The following GALNT9 variants were observed in gnomAD, a reference collection of about 807,000 sequenced individuals.
GALNT9 encodes the protein GalNAc transferase 9.
Under a neutral mutation model 63.1 loss-of-function variants are expected in GALNT9, and 47 were observed. The observed-to-expected ratio is 0.75, with a 90% CI of 0.59 to 0.95. GALNT9 has a LOEUF of 0.95. Among genes scored for constraint, GALNT9 ranks in the 40% least tolerant of loss-of-function variants. The pLI, the probability that GALNT9 is intolerant of heterozygous loss-of-function variation, is 0.00. For synonymous variants in GALNT9, 396 were observed against 365.7 expected (o/e 1.08, Z -0.94); for missense variants, 829 against 874.8 (o/e 0.95, Z 0.66).
chr12:132,202,310 A>G (rs1286760905), intron 7 of GALNT9, among the ~76,000 whole-genome samples: 1 of 152,184 alleles, frequency 6.6e-6, no homozygotes, highest in Non-Finnish European at 1.5e-5. Flanking sequence ...CACTTCATGG[A>G]AAACAAGGCT....
chr12:132,203,403 C>T, intron 7 of GALNT9, 102 bp downstream of exon 7: 4 of 1,063,550 alleles, frequency 3.8e-6, no homozygotes, highest in South Asian at 1.5e-5. Context: ...CCCACTCACA[C>T]CTGCAGGGGG....
chr12:132,225,406 ACACAACCCACACACTATATACACCCCC>A (rs1482289447), intron 6 of GALNT9, among the ~76,000 whole-genome samples: 1 of 145,646 alleles, frequency 6.9e-6, no homozygotes, highest in Non-Finnish European at 1.5e-5. Context: ...CATACACACC[ACACAACCCACACACTATATACACCCCC>A]CACACACACA....
At chr12:132,244,284 CGG>C (rs1394057457) in intron 6 of GALNT9, among the ~76,000 whole-genome samples, 16 of 5,080 alleles carry the variant, frequency 3.1e-3, no homozygotes, top group Admixed American at 6.5e-3. Context: ...TGGGGCTGGA[CGG>C]GGGGGCGTGG....
chr12:132,225,270 C>A (rs1246277072), intron 6 of GALNT9, among the ~76,000 whole-genome samples: 1 of 136,954 alleles, frequency 7.3e-6, no homozygotes, highest in African/African-American at 2.8e-5. Context: ...CCACACACCA[C>A]ACAACCCACC....
chr12:132,203,902 C>G (rs1876426416), intron 6 of GALNT9, among the ~76,000 whole-genome samples: 1 of 152,036 alleles, frequency 6.6e-6, no homozygotes. Context: ...GGGTTGCGTC[C>G]TCTCTGGGAC....
chr12:132,328,306 C>T (rs1394921726), intron 1 of GALNT9, among the ~76,000 whole-genome samples: 4 of 152,138 alleles, frequency 2.6e-5, no homozygotes, highest in Admixed American at 2.6e-4. Flanking sequence ...CCAGGTGCCA[C>T]AACTTGGGCC....
In GALNT9 at chr12:132,314,971, C is replaced by T. The variant is rs140002265; in HGVS notation, c.238+13995G>A. Among the ~76,000 whole-genome samples the T allele has an allele frequency of 7.4e-4, 112 of 152,334 alleles. 2 individuals carry two copies. In the East Asian group the frequency reaches 0.018, roughly 24 times the overall value. On this transcript the variant is annotated intron_variant, in intron 1 of 10. Coordinates refer to ENST00000328957, the MANE Select transcript of GALNT9 (RefSeq NM_001122636.2). ...TTATCAAGCGCGACCGGGTGCCGGGCGCTGCTCCCAGAGCTTTGCAGGCTC... is the reference window on the plus strand; with the variant it reads ...TTATCAAGCGCGACCGGGTGCCGGGTGCTGCTCCCAGAGCTTTGCAGGCTC...
At chr12:132,203,155 C>T (rs985646684) in intron 7 of GALNT9, among the ~76,000 whole-genome samples, 3 of 152,294 alleles carry the variant, frequency 2.0e-5, no homozygotes, top group East Asian at 1.9e-4. Flanking sequence ...AGGTGCTGTG[C>T]AGGGCACTAA....
In GALNT9 at chr12:132,261,077, G is replaced by C; in HGVS notation, c.632C>G (p.Pro211Arg). The C allele has an allele frequency of 6.4e-7, 1 of 1,551,654 alleles. No homozygotes were observed. The highest frequency in any genetic ancestry group is 8.7e-7 in the Non-Finnish European group (1 of 1,146,996). The change falls in exon 4 of 11, where the codon CCA (proline) becomes CGA (arginine). Residue 211 changes from proline to arginine, a missense_variant. Coordinates refer to ENST00000328957, the MANE Select transcript of GALNT9 (RefSeq NM_001122636.2). ...GTTGCGGACAATCTTCACGAGGCCTGGGTACCGCTTGTTGACGTACTGGTC... is the reference window on the plus strand; with the variant it reads ...GTTGCGGACAATCTTCACGAGGCCTCGGTACCGCTTGTTGACGTACTGGTC... ...NLDQYVNKRY[P>R]GLVKIVRNSR... is the part of the protein sequence containing the mutation.
intron 6 of GALNT9, among the ~76,000 whole-genome samples, chr12:132,227,404 G>A (rs1012553502): frequency 8.5e-5 from 13 of 152,130 alleles, no homozygotes; most frequent in African/African-American, 2.4e-4. Context: ...CCTCCGAAGC[G>A]TGTGCCTGTG....
rs1027012433 is a variant in GALNT9 at position 132,315,832 on chromosome 12, G to A, written c.238+13134C>T. Among the ~76,000 whole-genome samples the A allele has an allele frequency of 7.2e-5, 11 of 152,190 alleles. No individual in the cohort carries two copies. The highest frequency in any genetic ancestry group is 2.4e-4 in the African/African-American group (10 of 41,440). On this transcript the variant is annotated intron_variant, in intron 1 of 10. Coordinates refer to ENST00000328957, the MANE Select transcript of GALNT9 (RefSeq NM_001122636.2). The surrounding 1 kb of genome is among the most constrained non-coding windows in gnomAD (Gnocchi z 6.1). ...GCGTCACACAGGGTGTGAGTGACAC[G>A]GCCTCAGGGGAAGACCCCTCTATGC...
At chr12:132,301,422 C>T (rs1256315203) in intron 1 of GALNT9, among the ~76,000 whole-genome samples, 5 of 152,256 alleles carry the variant, frequency 3.3e-5, no homozygotes, top group Non-Finnish European at 5.9e-5. Context: ...ATGGTCCATA[C>T]GAGAACCACA....
rs140161138 is a variant in GALNT9 at position 132,263,559 on chromosome 12, G to T, written c.420-934C>A. Among the ~76,000 whole-genome samples, 150 of 152,236 alleles carry T rather than the reference G, an allele frequency of 9.9e-4. No homozygotes were observed. The East Asian group carries it at 0.023, about 24-fold the overall frequency. ...GCCTGTGGCAAGTCCTGTCCCATGG[G>T]GTGGCCCCCCTCACCGTCCTCAAGC... On this transcript the variant is annotated intron_variant, in intron 2 of 10. Coordinates refer to ENST00000328957, the MANE Select transcript of GALNT9 (RefSeq NM_001122636.2).
intron 4 of GALNT9, among the ~76,000 whole-genome samples, chr12:132,258,530 G>C (rs1326847733): frequency 6.6e-6 from 1 of 152,194 alleles, no homozygotes; most frequent in Non-Finnish European, 1.5e-5. Context: ...TGTAGAGGGG[G>C]CTCACAGTTT....
chr12:132,329,405 C>A lies in GALNT9; in HGVS notation c.-202G>T. 2 of 631,734 alleles carry A rather than the reference C, an allele frequency of 3.2e-6. No individual in the cohort carries two copies. The highest frequency in any genetic ancestry group is 4.4e-6 in the Non-Finnish European group (2 of 450,058). 39.1% of individuals were successfully genotyped at this position (631,734 alleles called of 1,614,324 possible). ...GTCCCCCAGAGCGCAGAGGGCTGCCCGGGGCTGGGGTCGCGGGGCGCGGCC... is the reference window on the plus strand; with the variant it reads ...GTCCCCCAGAGCGCAGAGGGCTGCCAGGGGCTGGGGTCGCGGGGCGCGGCC... On this transcript the variant is annotated 5_prime_UTR_variant, in exon 1 of 11. Coordinates refer to ENST00000328957, the MANE Select transcript of GALNT9 (RefSeq NM_001122636.2).
chr12:132,203,427 C>T lies in GALNT9; in HGVS notation c.1263+78G>A, dbSNP rs908985645. 30 of 1,424,664 alleles carry T rather than the reference C, an allele frequency of 2.1e-5. No individual in the cohort carries two copies. In the African/African-American group the frequency reaches 4.0e-4, roughly 19 times the overall value. The allele number at this position is 1,424,664 out of a possible 1,614,324, so 88.3% of individuals were successfully genotyped here. On this transcript the variant is annotated intron_variant, in intron 7 of 10. Transcript: ENST00000328957. Reference sequence around the variant, plus strand: ...ACCTGCAGGGGGCCCTAGGGGGCCTCCCTCCGGCCCAGCCCTGCCGTGGCA... The same window carrying T: ...ACCTGCAGGGGGCCCTAGGGGGCCTTCCTCCGGCCCAGCCCTGCCGTGGCA...
In GALNT9 at chr12:132,270,824, C is replaced by T. The variant is rs539935834; in HGVS notation, c.420-8199G>A. The stretch of plus-strand genomic sequence containing the variant: ...TCAGAATTCTATCAGGGAGGAAGAG[C>T]GGGAGAAAAGATAAGAGGCAGATGA... On this transcript the variant is annotated intron_variant, in intron 2 of 10. Coordinates refer to ENST00000328957, the MANE Select transcript of GALNT9 (RefSeq NM_001122636.2). Among the ~76,000 whole-genome samples the T allele has an allele frequency of 6.6e-5, 10 of 152,014 alleles. No homozygotes were observed. In the East Asian group the frequency reaches 7.8e-4, roughly 12 times the overall value.
At chr12:132,283,920 T>C (rs1880467507) in intron 2 of GALNT9, 1 of 151,900 alleles carries the variant, frequency 6.6e-6, no homozygotes, top group Non-Finnish European at 1.5e-5. Context: ...TTGTGGACCG[T>C]CAAGGTGGTC....
chr12:132,263,736 T>A (rs1879493346), intron 2 of GALNT9, among the ~76,000 whole-genome samples: 2 of 152,126 alleles, frequency 1.3e-5, no homozygotes, highest in Admixed American at 6.5e-5. Flanking sequence ...TTTATAAACA[T>A]CTGTGTAATG....
Sources: gnomAD v4.1 joint callset for allele counts (sites outside exome capture counted in the v4.1 genomes callset) on GRCh38, gnomAD v4.1.1 for gene constraint, Gnocchi (gnomAD v3.1) non-coding constraint, MANE v1.5 for transcripts, NCBI Gene and HGNC (gene_info 2026-07-23, HGNC 2026-07-21) for gene names.